The following CAST variants were observed in gnomAD, a reference collection of about 807,000 sequenced individuals.
CAST encodes the protein MIR583 host.
CAST carries 76 observed loss-of-function variants against 119.6 expected under a neutral mutation model. That is an observed-to-expected ratio of 0.64 (90% confidence interval 0.53 to 0.77). CAST has a LOEUF of 0.77. Among genes scored for constraint, CAST ranks in the 30% least tolerant of loss-of-function variants. The pLI, the probability that CAST is intolerant of heterozygous loss-of-function variation, is 0.00. For synonymous variants in CAST, 319 were observed against 331.6 expected (o/e 0.96, Z 0.41); for missense variants, 953 against 946.5 (o/e 1.01, Z -0.09).
At chr5:96,231,774 A>G in the CAST span, among the ~76,000 whole-genome samples, 3 of 151,720 alleles carry the variant, frequency 2.0e-5, no homozygotes, top group Non-Finnish European at 4.4e-5. Context: ...ATAAAAACAT[A>G]AAAAGGCAAA....
intron 1 of CAST, among the ~76,000 whole-genome samples, chr5:96,537,186 T>G (rs1745835617): frequency 8.5e-5 from 13 of 152,222 alleles, no homozygotes; most frequent in Admixed American, 8.5e-4. Flanking sequence ...CTTGCTGAGC[T>G]CTGTCCCATA....
At chr5:96,223,738 G>A in the CAST span, among the ~76,000 whole-genome samples, 3 of 152,180 alleles carry the variant, frequency 2.0e-5, no homozygotes, top group African/African-American at 7.2e-5. Context: ...TATTGACCCT[G>A]CTTCTTCTCC....
rs777668650 is a variant in CAST, at chr5:96,746,385, A to G, written c.1244A>G (p.Asp415Gly). ...EEKLEKCGEDDETIPSEYRLK... is the reference protein window; with the variant it reads ...EEKLEKCGEDGETIPSEYRLK... ...AAACTAGAGAAGTGTGGTGAGGATG[A>G]TGAAACAATCCCATCTGAGTACAGA... The change falls in exon 17 of 32, where the codon GAT becomes GGT. Residue 415 changes from aspartate (D) to glycine (G), a missense_variant. Physicochemically the swap from Asp to Gly is moderately conservative, Grantham distance 94 (BLOSUM62 -1). Transcript: ENST00000675179. The G allele has an allele frequency of 5.0e-6, 8 of 1,612,854 alleles. No homozygotes were observed. The South Asian group carries it at 7.7e-5, about 15-fold the overall frequency.
chr5:96,719,341 T>G (rs1372465693), intron 3 of CAST, among the ~76,000 whole-genome samples: 2 of 152,210 alleles, frequency 1.3e-5, no homozygotes, highest in Non-Finnish European at 2.9e-5. Context: ...TTAAATTTTT[T>G]GTAGAGACAA....
chr5:96,408,282 T>C, the CAST span: 3 of 1,614,092 alleles, frequency 1.9e-6, no homozygotes, highest in South Asian at 1.1e-5. Context: ...CCGAGGTGCC[T>C]GTGTGCGTCT....
chr5:96,091,576 G>T, the CAST span, among the ~76,000 whole-genome samples: 1 of 150,620 alleles, frequency 6.6e-6, no homozygotes, highest in Non-Finnish European at 1.5e-5. Context: ...CACGATCAGG[G>T]CTCACTGTAG....
the CAST span, among the ~76,000 whole-genome samples, chr5:96,040,222 T>G: frequency 5.3e-5 from 8 of 152,358 alleles, no homozygotes; most frequent in Admixed American, 4.6e-4. Context: ...ACATTGATTT[T>G]GTATCCTGAG....
At chr5:96,070,958 C>A in the CAST span, among the ~76,000 whole-genome samples, 1,444 of 152,154 alleles carry the variant, frequency 9.5e-3, 30 homozygotes, top group African/African-American at 0.032. Context: ...TCATGGAAAT[C>A]AAAAGTGCAA....
chr5:96,277,412 G>A, the CAST span, among the ~76,000 whole-genome samples: 8 of 151,328 alleles, frequency 5.3e-5, no homozygotes, highest in Non-Finnish European at 1.2e-4. Context: ...ACTTCTACTT[G>A]TTTTAATTTG....
At chr5:96,426,981 A>T in the CAST span, among the ~76,000 whole-genome samples, 1 of 152,198 alleles carries the variant, frequency 6.6e-6, no homozygotes, top group Non-Finnish European at 1.5e-5. Context: ...TTCAAGCTTA[A>T]TTGTTTTGGC....
rs1254489473 is a variant in CAST, at chr5:96,773,026, A to AGT, written c.*413_*414dup. On this transcript the variant is annotated 3_prime_UTR_variant, in exon 32 of 32. Coordinates refer to ENST00000675179, the MANE Select transcript of CAST (RefSeq NM_001750.7). ...CAGTTTGCCCTTAATTTTTTTTGTT[A>AGT]GTGTTTAGAAAACAATGTTTTAAAC... The AGT allele has an allele frequency of 6.5e-6, 1 of 153,844 alleles. No individual in the cohort carries two copies. Among genetic ancestry groups the AGT allele is most frequent in the East Asian group, 1.9e-4 (1 of 5,330 alleles). 9.5% of individuals were successfully genotyped at this position (153,844 alleles called of 1,614,324 possible).
At chr5:96,542,195 A>G (rs1346197394) in intron 1 of CAST, among the ~76,000 whole-genome samples, 4 of 151,860 alleles carry the variant, frequency 2.6e-5, no homozygotes, top group Non-Finnish European at 5.9e-5. Flanking sequence ...CTGTAGTCCC[A>G]ACTACTCAGG....
At chr5:96,599,975 A>AAAAAAAAAAG (rs762798506) in intron 1 of CAST, among the ~76,000 whole-genome samples, 1 of 140,508 alleles carries the variant, frequency 7.1e-6, no homozygotes, top group African/African-American at 2.8e-5. Context: ...GCAAAAAAAA[A>AAAAAAAAAAG]AAAAAAAACC....
chr5:96,662,209 C>G (rs1363449905), upstream of CAST: 1 of 505,004 alleles, frequency 2.0e-6, no homozygotes, highest in Non-Finnish European at 3.3e-6. Flanking sequence ...GGCAGGAGCC[C>G]GGGTCCCTCC....
intron 1 of CAST, among the ~76,000 whole-genome samples, chr5:96,561,786 G>GGTTTTGTTTTTTT (rs1189100090): frequency 1.1e-4 from 12 of 105,430 alleles, no homozygotes; most frequent in Non-Finnish European, 2.1e-4. Context: ...TTATATATAT[G>GGTTTTGTTTTTTT]TTTTTTTTTG....
chr5:96,221,171 AC>A, the CAST span, among the ~76,000 whole-genome samples: 4 of 152,092 alleles, frequency 2.6e-5, no homozygotes, highest in African/African-American at 9.7e-5. Flanking sequence ...TAAGGTCTTC[AC>A]AGATGTAGTC....
intron 1 of CAST, among the ~76,000 whole-genome samples, chr5:96,600,850 G>C (rs1409538250): frequency 6.6e-6 from 1 of 152,102 alleles, no homozygotes; most frequent in East Asian, 1.9e-4. Context: ...TCAAATTACA[G>C]ATTATTTTAT....
At chr5:96,760,548 C>G (rs1256898630) in intron 24 of CAST, among the ~76,000 whole-genome samples, 1 of 151,586 alleles carries the variant, frequency 6.6e-6, no homozygotes, top group Non-Finnish European at 1.5e-5. Flanking sequence ...TCATTAACAA[C>G]ACATGAAAAA....
chr5:96,608,591 ACTAT>A (rs1330247851), intron 1 of CAST, among the ~76,000 whole-genome samples: 1 of 152,168 alleles, frequency 6.6e-6, no homozygotes, highest in Non-Finnish European at 1.5e-5. Context: ...GACAACAAAA[ACTAT>A]CACAAAAGAT....
Sources: allele counts gnomAD v4.1 joint callset (sites outside exome capture counted in the v4.1 genomes callset), GRCh38; gene constraint gnomAD v4.1.1; transcripts MANE v1.5; gene names NCBI Gene and HGNC (gene_info 2026-07-23, HGNC 2026-07-21).